APOD: variants seen among roughly 807,000 people sequenced by gnomAD.
APOD encodes the protein apolipoprotein D.
Under a neutral mutation model 20.4 loss-of-function variants are expected in APOD, and 22 were observed. The ratio of observed to expected loss-of-function variants is 1.08; its 90% confidence interval spans 0.77 to 1.54. The LOEUF (loss-of-function observed/expected upper bound fraction) is 1.54, where lower values mean the gene tolerates loss of function less well. Among genes scored for constraint, APOD ranks in the 40% most tolerant of loss-of-function variants. The pLI is 0.00. For missense variants in APOD, 223 were observed against 229.6 expected (o/e 0.97, Z 0.19); for synonymous variants, 97 against 92.4 (o/e 1.05, Z -0.29).
At chr3:195,576,080 T>C (rs1720243294) in intron 2 of APOD, among the ~76,000 whole-genome samples, 1 of 152,204 alleles carries the variant, frequency 6.6e-6, no homozygotes, top group Non-Finnish European at 1.5e-5. Flanking sequence ...ACTCACTTAT[T>C]AAAGCACAGC....
chr3:195,572,812 A>G (rs1196975934), intron 3 of APOD, among the ~76,000 whole-genome samples: 1 of 152,054 alleles, frequency 6.6e-6, no homozygotes, highest in Non-Finnish European at 1.5e-5. Flanking sequence ...GGAGATCAAG[A>G]CCAGCCTGGC....
In APOD at chr3:195,579,494, A is replaced by C. The variant is rs549611017; in HGVS notation, c.-33T>G. On this transcript the variant is annotated splice_region_variant and 5_prime_UTR_variant, in exon 2 of 5. Coordinates refer to ENST00000343267, the MANE Select transcript of APOD (RefSeq NM_001647.4). ...CTGGGTGGCTGGAGAAGGGACCTGG[A>C]GCTGCGGGAACGCAAAGCAGCTGGG... 17 of 1,607,452 alleles carry C rather than the reference A, an allele frequency of 1.1e-5. No homozygotes were observed. In the African/African-American group the frequency reaches 2.0e-4, roughly 19 times the overall value.
chr3:195,572,668 A>G (rs1295771269), intron 3 of APOD, among the ~76,000 whole-genome samples: 2 of 152,192 alleles, frequency 1.3e-5, no homozygotes, highest in Non-Finnish European at 2.9e-5. Context: ...TCAATCCTCA[A>G]GGCAGAGCAG....
chr3:195,576,098 T>G (rs1377174677), intron 2 of APOD, among the ~76,000 whole-genome samples: 5 of 152,196 alleles, frequency 3.3e-5, no homozygotes, highest in Non-Finnish European at 7.3e-5. Flanking sequence ...AGCTTTCAAT[T>G]AAAGCCACTG....
At chr3:195,569,785 C>CTTTT (rs1560457392) in intron 4 of APOD, among the ~76,000 whole-genome samples, 1 of 86,888 alleles carries the variant, frequency 1.2e-5, no homozygotes, top group Non-Finnish European at 2.2e-5. Flanking sequence ...TCTTCTTCTT[C>CTTTT]GTTTTTTTTT....
At chr3:195,570,501 AC>A (rs1239916251) in intron 4 of APOD, 2 of 152,156 alleles carry the variant, frequency 1.3e-5, no homozygotes, top group African/African-American at 4.8e-5. Flanking sequence ...TAAAATTAGA[AC>A]TTCCTCTCCT....
intron 2 of APOD, among the ~76,000 whole-genome samples, chr3:195,576,631 G>A (rs552134874): frequency 1.3e-5 from 2 of 152,056 alleles, no homozygotes; most frequent in Middle Eastern, 3.4e-3. Flanking sequence ...CCAACATGGC[G>A]AGGCCCCATC....
Position 195,568,833 on chromosome 3 carries a change from G to GCT in APOD, c.*66_*67insAG. 2 of 1,041,146 alleles carry GCT rather than the reference G, an allele frequency of 1.9e-6. No homozygotes were observed. Among genetic ancestry groups the GCT allele is most frequent in the Non-Finnish European group, 2.9e-6 (2 of 689,436 alleles). 64.5% of individuals were successfully genotyped at this position (1,041,146 alleles called of 1,614,324 possible). A position where few individuals can be genotyped will look rare whatever the true frequency, so the allele number is the denominator to read the frequency against. On this transcript the variant is annotated 3_prime_UTR_variant, in exon 5 of 5. Coordinates refer to ENST00000343267, the MANE Select transcript of APOD (RefSeq NM_001647.4). ...CGTGGTTGATTGGTTTGTCTTTATG[G>GCT]GGGGGGGGTAGGGGAAAGCGAAGCA... is the stretch of plus-strand genomic sequence containing the variant.
In APOD at chr3:195,568,740, A is replaced by G. The variant is rs1338384239; in HGVS notation, c.*160T>C. The G allele has an allele frequency of 4.8e-6, 3 of 619,612 alleles. No individual in the cohort carries two copies. In the African/African-American group the frequency reaches 5.8e-5, roughly 12 times the overall value. The allele number at this position is 619,612 out of a possible 1,614,324, so 38.4% of individuals were successfully genotyped here. On this transcript the variant is annotated 3_prime_UTR_variant, in exon 5 of 5. Coordinates refer to ENST00000343267, the MANE Select transcript of APOD (RefSeq NM_001647.4). The stretch of plus-strand genomic sequence containing the variant: ...CTGCGAGCACAGCAGGTCAGCAACA[A>G]GTTTATTTTGCAGCTAGCAAGGTAA...
chr3:195,571,205 C>T, intron 4 of APOD, 72 bp downstream of exon 4: 1 of 1,345,436 alleles, frequency 7.4e-7, no homozygotes, highest in Non-Finnish European at 1.1e-6. Flanking sequence ...AGGAATTCTC[C>T]AAGCCGGGGC....
rs1037151627 is a variant in APOD at position 195,572,212 on chromosome 3, C to T, written c.246-847G>A. On this transcript the variant is annotated intron_variant, in intron 3 of 4. Transcript: ENST00000343267. ...GGGCCTCAGTGATATCATGTGACAT[C>T]GCCTGTCCCATCAAGGGGCCTGAGT... is the stretch of plus-strand genomic sequence containing the variant. Among the ~76,000 whole-genome samples the T allele has an allele frequency of 2.0e-5, 3 of 152,200 alleles. 1 individual carries two copies. The highest frequency in any genetic ancestry group is 1.3e-4 in the Admixed American group (2 of 15,280).
chr3:195,576,903 G>A (rs1041182073), intron 2 of APOD, among the ~76,000 whole-genome samples: 20 of 150,990 alleles, frequency 1.3e-4, no homozygotes, highest in Admixed American at 2.6e-4. Flanking sequence ...TTAAAAGGCC[G>A]GGCACGGTGG....
At chr3:195,569,739 T>TACACTCCC (rs1720124974) in intron 4 of APOD, among the ~76,000 whole-genome samples, 1 of 150,616 alleles carries the variant, frequency 6.6e-6, no homozygotes, top group African/African-American at 2.4e-5. Flanking sequence ...CCTCTTCATG[T>TACACTCCC]ACACTCCCAG....
At chr3:195,571,955 A>G (rs929275309) in intron 3 of APOD, among the ~76,000 whole-genome samples, 3 of 151,986 alleles carry the variant, frequency 2.0e-5, no homozygotes, top group African/African-American at 4.8e-5. Flanking sequence ...AATTTTTTGT[A>G]TCTTTAGTAG....
At chr3:195,583,681 T>C (rs146464258) in intron 1 of APOD, among the ~76,000 whole-genome samples, 197 bp downstream of exon 1, 14 of 152,292 alleles carry the variant, frequency 9.2e-5, no homozygotes, top group Non-Finnish European at 1.8e-4. Context: ...CTCAGCTTTA[T>C]CACTGGAAAA....
At chr3:195,579,251 G>A (rs1720294151) in intron 2 of APOD, 88 bp downstream of exon 2, 1 of 1,562,812 alleles carries the variant, frequency 6.4e-7, no homozygotes. Flanking sequence ...GTGTGCAGTG[G>A]AAATTAAAGC....
At position 195,569,049 on chromosome 3, in the gene APOD, A is replaced by T; in HGVS notation, c.421T>A (p.Phe141Ile). The T allele has an allele frequency of 6.2e-7, 1 of 1,614,122 alleles. No individual in the cohort carries two copies. The highest frequency in any genetic ancestry group is 1.1e-5 in the South Asian group (1 of 91,078). The change falls in exon 5 of 5, where the codon TTT becomes ATT. Residue 141 changes from phenylalanine (F) to isoleucine (I), a missense_variant. Phe to Ile is a conservative substitution (Grantham distance 21). Coordinates refer to ENST00000343267, the MANE Select transcript of APOD (RefSeq NM_001647.4). ...AAGATCCAAGCAAAATCCACGTGAAAAAGTTGGATGATGCAGGTACAGGAA... is the reference window on the plus strand; with the variant it reads ...AAGATCCAAGCAAAATCCACGTGAATAAGTTGGATGATGCAGGTACAGGAA... ...VYSCTCIIQL[F>I]HVDFAWILAR...
chr3:195,583,259 T>A (rs1016103684), intron 1 of APOD: 1 of 152,072 alleles, frequency 6.6e-6, no homozygotes, highest in Non-Finnish European at 1.5e-5. Flanking sequence ...TAAGCCTAGG[T>A]CTCCCACAAG....
rs140922131 is a variant in APOD at position 195,579,393 on chromosome 3, A to T, written c.69T>A (p.Phe23Leu). 23 of 1,614,202 alleles carry T rather than the reference A, an allele frequency of 1.4e-5. No individual in the cohort carries two copies. The highest frequency in any genetic ancestry group is 1.8e-5 in the Non-Finnish European group (21 of 1,180,032). The part of the protein sequence containing the change: ...GLFGAAEGQA[F>L]HLGKCPNPPV... ...GAGGATTGGGGCACTTCCCAAGATG[A>T]AATGCTTGTCCCTCTGCCGCACCGA... The change falls in exon 2 of 5, where the codon TTT (phenylalanine) becomes TTA (leucine). Residue 23 changes from phenylalanine (F) to leucine (L), a missense_variant. Physicochemically the swap from Phe to Leu is conservative, Grantham distance 22 (BLOSUM62 0). Transcript: ENST00000343267.
Sources: gnomAD v4.1 joint callset for allele counts (sites outside exome capture counted in the v4.1 genomes callset) on GRCh38, gnomAD v4.1.1 for gene constraint, MANE v1.5 for transcripts, NCBI Gene and HGNC (gene_info 2026-07-23, HGNC 2026-07-21) for gene names.